The following NIBAN2 variants were observed in gnomAD, a reference collection of about 807,000 sequenced individuals.
The protein encoded by NIBAN2 is niban apoptosis regulator 2.
NIBAN2 carries 36 observed loss-of-function variants against 81.8 expected under a neutral mutation model. The observed-to-expected ratio is 0.44, with a 90% CI of 0.34 to 0.58. The LOEUF is 0.58. NIBAN2 is among the 20% of genes least tolerant of loss of function. The probability of loss-of-function intolerance (pLI) is 0.02; values close to 1 mark genes in which losing one functional copy is unlikely to be tolerated. For synonymous variants in NIBAN2, 445 were observed against 441.6 expected (o/e 1.01, Z -0.10); for missense variants, 897 against 1,014.1 (o/e 0.88, Z 1.57).
At chr9:127,565,974 A>ACACACACACT (rs1467409398) in intron 1 of NIBAN2, among the ~76,000 whole-genome samples, 20 of 150,178 alleles carry the variant, frequency 1.3e-4, no homozygotes, top group African/African-American at 4.9e-4. Context: ...ACACACACAC[A>ACACACACACT]CACACAAATT....
intron 8 of NIBAN2, among the ~76,000 whole-genome samples, chr9:127,514,650 T>G (rs1836792274): frequency 6.6e-6 from 1 of 152,220 alleles, no homozygotes; most frequent in East Asian, 1.9e-4. Flanking sequence ...TGATCCTCTC[T>G]GGAATAGTGT....
chr9:127,532,814 C>T (rs1837208838), intron 1 of NIBAN2, among the ~76,000 whole-genome samples: 2 of 151,858 alleles, frequency 1.3e-5, no homozygotes. Flanking sequence ...AGGTGGATCG[C>T]TTGAGCCCAG....
chr9:127,558,887 A>C (rs1837723692), intron 1 of NIBAN2, among the ~76,000 whole-genome samples: 1 of 152,152 alleles, frequency 6.6e-6, no homozygotes, highest in Non-Finnish European at 1.5e-5. Context: ...ACAGGCCAGG[A>C]ACTGCGCAGT....
chr9:127,506,866 T>G lies in NIBAN2; in HGVS notation c.2220A>C (p.Ala740=). The change falls in exon 14 of 14, where the codon GCA becomes GCC. Residue 740 remains alanine, a synonymous_variant. Transcript: ENST00000373312. The stretch of plus-strand genomic sequence containing the variant: ...TGGCCTAGAACTCAGTCTGCACCCC[T>G]GCACTGTCCTCGGTGGTGGTGTGGA... ...PALHTTTEDS[A]GVQTEF 6.2e-7 allele frequency: 1 copy of G among 1,611,992 alleles called. No homozygotes were observed. The highest frequency in any genetic ancestry group is 8.5e-7 in the Non-Finnish European group (1 of 1,179,166).
At chr9:127,510,979 T>C (rs542508458) in intron 8 of NIBAN2, among the ~76,000 whole-genome samples, 2 of 152,314 alleles carry the variant, frequency 1.3e-5, no homozygotes, top group East Asian at 1.9e-4. Context: ...ATCACCCAAG[T>C]AATGAGCACA....
intron 8 of NIBAN2, among the ~76,000 whole-genome samples, chr9:127,516,328 C>T (rs756297520): frequency 2.6e-4 from 39 of 152,150 alleles, no homozygotes; most frequent in Admixed American, 5.9e-4. Context: ...GAGCGGATCA[C>T]GAGGTCAGGA....
chr9:127,545,038 A>G lies in NIBAN2; in HGVS notation c.56-13260T>C, dbSNP rs1255926307. On this transcript the variant is annotated intron_variant, in intron 1 of 13. Coordinates refer to ENST00000373312, the MANE Select transcript of NIBAN2 (RefSeq NM_022833.4). This position sits in a 1 kb window ranked among gnomAD's most constrained non-coding sequence, Gnocchi z 4.7. ...CAGCTCCTCTGAGACCATCTTGGGG[A>G]GAAACAGGTGAATGGGGCTTTCACA... Among the ~76,000 whole-genome samples the G allele has an allele frequency of 6.6e-6, 1 of 152,130 alleles. No homozygotes were observed. Among genetic ancestry groups the G allele is most frequent in the Non-Finnish European group, 1.5e-5 (1 of 68,018 alleles).
At chr9:127,560,082 C>A (rs1837743784) in intron 1 of NIBAN2, among the ~76,000 whole-genome samples, 1 of 152,212 alleles carries the variant, frequency 6.6e-6, no homozygotes, top group Non-Finnish European at 1.5e-5. Context: ...CGGCCTCTTT[C>A]TACTCTGCCC....
intron 2 of NIBAN2, among the ~76,000 whole-genome samples, chr9:127,528,608 G>A (rs1281523642): frequency 1.3e-5 from 2 of 152,080 alleles, no homozygotes; most frequent in African/African-American, 4.8e-5. Context: ...TGGAGAAGGA[G>A]AGCCCATTGT....
At chr9:127,512,287 A>AT (rs3053049) in intron 8 of NIBAN2, among the ~76,000 whole-genome samples, 16,007 of 140,076 alleles carry the variant, frequency 0.11, 1,412 homozygotes, top group Admixed American at 0.28. Flanking sequence ...TTCATTTTAC[A>AT]TTTTTTTTTT....
chr9:127,540,791 T>C (rs1837363854), intron 1 of NIBAN2, among the ~76,000 whole-genome samples: 2 of 152,364 alleles, frequency 1.3e-5, no homozygotes, highest in South Asian at 4.1e-4. Context: ...CAGCCCTGGT[T>C]TGGCCCCAGT....
chr9:127,572,659 C>T (rs1281819421), upstream of NIBAN2, among the ~76,000 whole-genome samples: 1 of 152,068 alleles, frequency 6.6e-6, no homozygotes, highest in African/African-American at 2.4e-5. Context: ...ACACCAAGGA[C>T]TTTTCTGCCT....
At chr9:127,513,032 A>G (rs889466753) in intron 8 of NIBAN2, among the ~76,000 whole-genome samples, 3 of 152,220 alleles carry the variant, frequency 2.0e-5, no homozygotes, top group African/African-American at 7.2e-5. Flanking sequence ...GGTACTATTC[A>G]GCCGTAAAAA....
In NIBAN2 at chr9:127,507,277, G is replaced by A; in HGVS notation, c.1809C>T (p.Ser603=). The part of the protein sequence containing the change: ...YSNSGGGGSP[S]PSTPESATLS... ...GGGTGGCTGACTCCGGGGTGCTGGG[G>A]CTGGGGCTGCCGCCCCCGCCGCTGT... The change falls in exon 14 of 14, where the codon AGC becomes AGT. Residue 603 remains serine, a synonymous_variant. Transcript: ENST00000373312. The surrounding 1 kb of genome is among the most constrained non-coding windows in gnomAD (Gnocchi z 6.8). The A allele has an allele frequency of 6.3e-7, 1 of 1,596,370 alleles. No homozygotes were observed. Among genetic ancestry groups the A allele is most frequent in the Non-Finnish European group, 8.6e-7 (1 of 1,168,502 alleles).
At position 127,517,257 on chromosome 9, in the gene NIBAN2, C is replaced by T. The variant is rs371261131; in HGVS notation, c.706-41G>A. The T allele has an allele frequency of 7.7e-6, 12 of 1,561,870 alleles. No homozygotes were observed. The highest frequency in any genetic ancestry group is 1.4e-5 in the African/African-American group (1 of 73,914). On this transcript the variant is annotated intron_variant, in intron 6 of 13. Transcript: ENST00000373312. The surrounding 1 kb of genome is among the most constrained non-coding windows in gnomAD (Gnocchi z 4.0). ...ACAAGCCAGGCCAGGGGCTGGAGAG[C>T]GCTCAGCTGGCCTGTTTCTCTCTGC...
rs200396039 is a variant in NIBAN2, at chr9:127,508,416, G to A, written c.1434+6C>T. 267 of 1,603,776 alleles carry A rather than the reference G, an allele frequency of 1.7e-4. No individual in the cohort carries two copies. Among genetic ancestry groups the A allele is most frequent in the East Asian group, 1.5e-3 (69 of 44,832 alleles). On this transcript the variant is annotated splice_donor_region_variant and intron_variant, in intron 11 of 13. Transcript: ENST00000373312. This position sits in a 1 kb window ranked among gnomAD's most constrained non-coding sequence, Gnocchi z 6.4. ...ACGGTCCGGGGCAGGGCGTGGGGCCGCTCACCTTCAGCACCCGCTCCAGGA... is the reference window on the plus strand; with the variant it reads ...ACGGTCCGGGGCAGGGCGTGGGGCCACTCACCTTCAGCACCCGCTCCAGGA...
chr9:127,567,155 G>C (rs908068018), intron 1 of NIBAN2, among the ~76,000 whole-genome samples: 1 of 152,070 alleles, frequency 6.6e-6, no homozygotes, highest in Admixed American at 6.5e-5. Flanking sequence ...GCAATTCTCA[G>C]CCCAGGAGAC....
At position 127,563,335 on chromosome 9, in the gene NIBAN2, G is replaced by A. The variant is rs1439036197; in HGVS notation, c.55+5485C>T. Among the ~76,000 whole-genome samples, 1 of 152,336 alleles carries A rather than the reference G, an allele frequency of 6.6e-6. No individual in the cohort carries two copies. Among genetic ancestry groups the A allele is most frequent in the African/African-American group, 2.4e-5 (1 of 41,592 alleles). On this transcript the variant is annotated intron_variant, in intron 1 of 13. Transcript: ENST00000373312. The surrounding 1 kb of genome is among the most constrained non-coding windows in gnomAD (Gnocchi z 4.1). ...TCATCCCCAGACACTTCGCCCCCAG[G>A]GGCTGACCCGGACCTTGGCTAAGGG...
chr9:127,556,338 C>T (rs1837669841), intron 1 of NIBAN2, among the ~76,000 whole-genome samples: 1 of 152,060 alleles, frequency 6.6e-6, no homozygotes, highest in African/African-American at 2.4e-5. Flanking sequence ...CCACATCTGC[C>T]CTGCCCCTCT....
Sources: gnomAD v4.1 joint callset for allele counts (sites outside exome capture counted in the v4.1 genomes callset) on GRCh38, gnomAD v4.1.1 for gene constraint, Gnocchi (gnomAD v3.1) non-coding constraint, MANE v1.5 for transcripts, NCBI Gene and HGNC (gene_info 2026-07-23, HGNC 2026-07-21) for gene names.